The following OR2L13 variants were observed in gnomAD, a reference collection of about 807,000 sequenced individuals.
OR2L13 encodes the protein olfactory receptor family 2 subfamily L member 13, also known as olfactory receptor 2L13.
In OR2L13, 14 loss-of-function variants were observed where a neutral mutation model predicts 15.3. The ratio of observed to expected loss-of-function variants is 0.91; its 90% confidence interval spans 0.60 to 1.43. The LOEUF (loss-of-function observed/expected upper bound fraction) is 1.43, where lower values mean the gene tolerates loss of function less well. Among genes scored for constraint, OR2L13 ranks in the 40% most tolerant of loss-of-function variants. The probability of loss-of-function intolerance (pLI) is 0.00; values close to 1 mark genes in which losing one functional copy is unlikely to be tolerated. For synonymous variants in OR2L13, 152 were observed against 142.9 expected (o/e 1.06, Z -0.45); for missense variants, 367 against 387.9 (o/e 0.95, Z 0.45).
the OR2L13 span, chr1:248,061,646 G>A: frequency 5.0e-6 from 8 of 1,585,998 alleles, no homozygotes; most frequent in South Asian, 7.9e-5. Context: ...AAGGTCTCAG[G>A]ACTCAGATAC....
the OR2L13 span, chr1:248,084,605 C>A: frequency 2.5e-6 from 4 of 1,594,484 alleles, no homozygotes; most frequent in South Asian, 1.1e-5. Context: ...ATAATTTCCC[C>A]TGGTGTGATG....
At chr1:248,064,358 T>C in the OR2L13 span, among the ~76,000 whole-genome samples, 6 of 152,174 alleles carry the variant, frequency 3.9e-5, no homozygotes, top group African/African-American at 1.4e-4. Flanking sequence ...AGCCATCGTC[T>C]ATGAACCAGA....
upstream of OR2L13, chr1:248,095,149 T>G (rs1664687146): frequency 6.6e-6 from 1 of 152,232 alleles, no homozygotes; most frequent in Non-Finnish European, 1.5e-5. Flanking sequence ...GGTTGGTGAC[T>G]TAAGGTTCTG....
At chr1:248,094,819 G>A (rs960759993), upstream of OR2L13, among the ~76,000 whole-genome samples, 13 of 152,180 alleles carry the variant, frequency 8.5e-5, no homozygotes, top group African/African-American at 2.9e-4. Flanking sequence ...TGCTATTACT[G>A]AGTCGAGTAC....
chr1:247,974,430 T>TA, the OR2L13 span, among the ~76,000 whole-genome samples: 9,185 of 149,502 alleles, frequency 0.061, 877 homozygotes, highest in African/African-American at 0.21. Flanking sequence ...TAAAGTATAT[T>TA]AAAAAAAAAA....
the OR2L13 span, among the ~76,000 whole-genome samples, chr1:247,940,274 A>T: frequency 1.3e-5 from 2 of 152,178 alleles, no homozygotes; most frequent in African/African-American, 4.8e-5. Flanking sequence ...ATATTTTACA[A>T]ACCCTTCTAA....
the OR2L13 span, among the ~76,000 whole-genome samples, chr1:247,958,624 T>C: frequency 2.0e-5 from 3 of 152,206 alleles, no homozygotes; most frequent in Non-Finnish European, 4.4e-5. Context: ...ATCTGGGTGC[T>C]CCTGTATTGG....
At chr1:248,023,369 G>A in the OR2L13 span, 1 of 152,334 alleles carries the variant, frequency 6.6e-6, no homozygotes, top group East Asian at 1.9e-4. Context: ...GGATAAATAA[G>A]TATGTCTGGG....
chr1:248,094,917 A>G (rs1664682012), upstream of OR2L13, among the ~76,000 whole-genome samples: 1 of 152,226 alleles, frequency 6.6e-6, no homozygotes, highest in Non-Finnish European at 1.5e-5. Context: ...AACATCTTCT[A>G]TAGCTCTGAA....
At chr1:248,013,510 A>G in the OR2L13 span, 1 of 152,102 alleles carries the variant, frequency 6.6e-6, no homozygotes, top group Non-Finnish European at 1.5e-5. Context: ...CAGCAAAACA[A>G]CTGTTAATCT....
chr1:248,081,562 G>A, the OR2L13 span, among the ~76,000 whole-genome samples: 8 of 151,948 alleles, frequency 5.3e-5, no homozygotes, highest in South Asian at 1.0e-3. Flanking sequence ...TGAAATTTCC[G>A]CGACAACATG....
At chr1:247,994,332 G>A in the OR2L13 span, among the ~76,000 whole-genome samples, 2 of 152,162 alleles carry the variant, frequency 1.3e-5, no homozygotes, top group South Asian at 2.1e-4. Context: ...GGGAGGCGGA[G>A]CTTGCAGTGA....
the OR2L13 span, chr1:248,004,130 A>C: frequency 7.5e-7 from 1 of 1,330,322 alleles, no homozygotes; most frequent in East Asian, 2.3e-5. Context: ...GTGTATAGTA[A>C]TTAAAATATC....
At chr1:247,952,537 C>T in the OR2L13 span, among the ~76,000 whole-genome samples, 1 of 152,142 alleles carries the variant, frequency 6.6e-6, no homozygotes, top group African/African-American at 2.4e-5. Context: ...AAGCCACCAT[C>T]TATGAACCAG....
chr1:247,990,493 T>G, the OR2L13 span: 2 of 1,575,646 alleles, frequency 1.3e-6, no homozygotes, highest in East Asian at 4.5e-5. Flanking sequence ...ATTTCCACCA[T>G]TGTTCCTAAG....
the OR2L13 span, chr1:248,022,914 G>C: frequency 2.7e-5 from 43 of 1,569,830 alleles, no homozygotes; most frequent in Non-Finnish European, 3.6e-5. Context: ...GAGTCAAAGC[G>C]CTAGGTTCAT....
At chr1:247,975,096 GT>G in the OR2L13 span, 1 of 358,452 alleles carries the variant, frequency 2.8e-6, no homozygotes, top group Non-Finnish European at 5.5e-6. Context: ...TCAATGGCCT[GT>G]GATCATTATG....
chr1:248,011,588 A>G, the OR2L13 span, among the ~76,000 whole-genome samples: 1 of 152,142 alleles, frequency 6.6e-6, no homozygotes, highest in Non-Finnish European at 1.5e-5. Flanking sequence ...AGGTATACCA[A>G]TCAAATGTAG....
At chr1:247,960,286 A>G in the OR2L13 span, among the ~76,000 whole-genome samples, 1 of 152,120 alleles carries the variant, frequency 6.6e-6, no homozygotes, top group South Asian at 2.1e-4. Context: ...TTGCCGCCTG[A>G]TCGTTCCTCT....
Sources: gnomAD v4.1 joint callset for allele counts (sites outside exome capture counted in the v4.1 genomes callset) on GRCh38, gnomAD v4.1.1 for gene constraint, MANE v1.5 for transcripts, NCBI Gene and HGNC (gene_info 2026-07-23, HGNC 2026-07-21) for gene names.